The following SEMA3A variants were observed in gnomAD, a reference collection of about 807,000 sequenced individuals.
The protein encoded by SEMA3A is semaphorin 3A.
SEMA3A carries 29 observed loss-of-function variants against 97.9 expected under a neutral mutation model. The observed-to-expected ratio is 0.30, with a 90% CI of 0.22 to 0.40. The LOEUF (loss-of-function observed/expected upper bound fraction) is 0.40. Ranked by LOEUF, SEMA3A falls within the 10% of genes least tolerant of loss-of-function variation. The pLI, the probability that SEMA3A is intolerant of heterozygous loss-of-function variation, is 1.00. For missense variants in SEMA3A, 763 were observed against 951.3 expected, an observed-to-expected ratio of 0.80 and a Z score of 2.60; for synonymous variants, 321 against 323.7, an observed-to-expected ratio of 0.99 and a Z score of 0.09.
intron 1 of SEMA3A, among the ~76,000 whole-genome samples, chr7:84,409,041 TAATA>T (rs1194457423): frequency 6.7e-6 from 1 of 149,036 alleles, no homozygotes; most frequent in Non-Finnish European, 1.5e-5. Flanking sequence ...ACTTAAAGTA[TAATA>T]ATAATAAAAA....
chr7:84,338,907 A>G (rs1328593928), intron 2 of SEMA3A, among the ~76,000 whole-genome samples: 2 of 152,214 alleles, frequency 1.3e-5, no homozygotes, highest in Non-Finnish European at 2.9e-5. Context: ...GGCCAAATCT[A>G]GTTTTGAAAA....
chr7:83,979,488 G>A (rs1789307096), intron 14 of SEMA3A, among the ~76,000 whole-genome samples: 1 of 152,078 alleles, frequency 6.6e-6, no homozygotes, highest in Non-Finnish European at 1.5e-5. Context: ...TTTTTGAGAA[G>A]CATTAACTTT....
intron 1 of SEMA3A, among the ~76,000 whole-genome samples, chr7:84,174,202 G>A (rs989495593): frequency 6.6e-6 from 1 of 151,914 alleles, no homozygotes. Flanking sequence ...TCCCAAAACC[G>A]TTCCCCTCCA....
chr7:84,452,087 C>A (rs1354500354), intron 1 of SEMA3A, among the ~76,000 whole-genome samples: 1 of 151,926 alleles, frequency 6.6e-6, no homozygotes, highest in African/African-American at 2.4e-5. Context: ...TTAAATATAG[C>A]TTTAACATCC....
rs372036752 is a variant in SEMA3A at position 84,186,574 on chromosome 7, A to C, written c.112+7901T>G. Among the ~76,000 whole-genome samples the C allele has an allele frequency of 3.7e-4, 57 of 152,238 alleles. 1 individual carries two copies. Among genetic ancestry groups the C allele is most frequent in the African/African-American group, 1.3e-3 (56 of 41,556 alleles). ...ACAGCTTGATTTGACCTCAGGTGTA[A>C]ACAACTTTGTTTTAGCTATGCCCAA... On this transcript the variant is annotated intron_variant, in intron 1 of 16. Transcript: ENST00000265362.
intron 3 of SEMA3A, among the ~76,000 whole-genome samples, chr7:84,111,297 C>T (rs1020166918): frequency 1.3e-5 from 2 of 152,122 alleles, no homozygotes; most frequent in African/African-American, 2.4e-5. Flanking sequence ...CTGGGTTGTT[C>T]CTGGCACTTC....
intron 4 of SEMA3A, among the ~76,000 whole-genome samples, chr7:84,106,703 A>C (rs1562786505): frequency 6.6e-6 from 1 of 152,176 alleles, no homozygotes; most frequent in Non-Finnish European, 1.5e-5. Context: ...TTTCCTTCAA[A>C]GTGATGGGTT....
intron 12 of SEMA3A, among the ~76,000 whole-genome samples, chr7:83,994,924 G>C (rs925423382): frequency 1.3e-5 from 2 of 151,968 alleles, no homozygotes; most frequent in Non-Finnish European, 2.9e-5. Flanking sequence ...CCTAGCTGCC[G>C]CCTTGCAGTT....
At position 84,404,946 on chromosome 7, in the gene SEMA3A, A is replaced by T. The variant is rs1804029363; in HGVS notation, c.-245-33046T>A. On this transcript the variant is annotated intron_variant, in intron 1 of 3. Coordinates refer to the SEMA3A transcript ENST00000424555. ...TACCAGCCACTGCAAAAACATGCCAAATTGTAAAGACCATCAAGGCTAGGA... is the reference window on the plus strand; with the variant it reads ...TACCAGCCACTGCAAAAACATGCCATATTGTAAAGACCATCAAGGCTAGGA... Among the ~76,000 whole-genome samples the T allele has an allele frequency of 3.3e-5, 5 of 152,358 alleles. No homozygotes were observed. The South Asian group carries it at 1.0e-3, about 32-fold the overall frequency.
intron 3 of SEMA3A, among the ~76,000 whole-genome samples, chr7:84,236,392 G>A (rs1244226309): frequency 6.6e-6 from 1 of 151,946 alleles, no homozygotes; most frequent in Non-Finnish European, 1.5e-5. Flanking sequence ...CCTCCTAACA[G>A]AAGTTTCTAA....
intron 1 of SEMA3A, among the ~76,000 whole-genome samples, chr7:84,166,985 G>A (rs577033300): frequency 3.6e-3 from 227 of 63,904 alleles, no homozygotes; most frequent in African/African-American, 0.01. Context: ...TGCTAGAAGA[G>A]TGTCTATCAT....
intron 1 of SEMA3A, among the ~76,000 whole-genome samples, chr7:84,399,434 C>G (rs2116203840): frequency 6.6e-6 from 1 of 152,304 alleles, no homozygotes; most frequent in East Asian, 1.9e-4. Context: ...TACAACCCAG[C>G]ATGACACTAG....
At chr7:84,387,595 T>C (rs1803431497) in intron 1 of SEMA3A, among the ~76,000 whole-genome samples, 1 of 152,202 alleles carries the variant, frequency 6.6e-6, no homozygotes, top group African/African-American at 2.4e-5. Flanking sequence ...TAAGATTTCC[T>C]GCTTGATTTC....
At chr7:84,105,302 A>G (rs2115917842) in intron 4 of SEMA3A, among the ~76,000 whole-genome samples, 1 of 152,336 alleles carries the variant, frequency 6.6e-6, no homozygotes. Flanking sequence ...TAGTTGACAG[A>G]GCATTACCTA....
At chr7:84,450,903 A>G (rs1805537794) in intron 1 of SEMA3A, among the ~76,000 whole-genome samples, 1 of 152,106 alleles carries the variant, frequency 6.6e-6, no homozygotes, top group South Asian at 2.1e-4. Context: ...ATGTTTTCAT[A>G]TTAACCCCTT....
intron 1 of SEMA3A, among the ~76,000 whole-genome samples, chr7:84,445,514 A>G (rs1172679642): frequency 6.9e-6 from 1 of 145,888 alleles, no homozygotes; most frequent in Non-Finnish European, 1.5e-5. Flanking sequence ...AAAAAAAAAA[A>G]AAAAAAGAAA....
At chr7:84,131,914 A>C (rs6953070) in intron 2 of SEMA3A, among the ~76,000 whole-genome samples, 3,127 of 152,178 alleles carry the variant, frequency 0.021, 49 homozygotes, top group Admixed American at 0.031. Context: ...CGCAGCCTTT[A>C]GGCTAGCTGT....
At chr7:84,077,820 A>G (rs1217190048) in intron 4 of SEMA3A, among the ~76,000 whole-genome samples, 3 of 152,008 alleles carry the variant, frequency 2.0e-5, no homozygotes, top group South Asian at 2.1e-4. Context: ...TACTGTGAAT[A>G]TATCTTTATG....
At chr7:84,441,015 G>A (rs373615260) in intron 1 of SEMA3A, among the ~76,000 whole-genome samples, 36 of 151,916 alleles carry the variant, frequency 2.4e-4, no homozygotes, top group African/African-American at 7.0e-4. Context: ...AAAATTATCC[G>A]GGCGTCGGGG....
Sources: gnomAD v4.1 joint callset for allele counts (sites outside exome capture counted in the v4.1 genomes callset) on GRCh38, gnomAD v4.1.1 for gene constraint, MANE v1.5 for transcripts, NCBI Gene and HGNC (gene_info 2026-07-23, HGNC 2026-07-21) for gene names.